TFDP2: variants seen among roughly 807,000 people sequenced by gnomAD.
TFDP2 encodes transcription factor Dp-2.
Under a neutral mutation model 59.3 loss-of-function variants are expected in TFDP2, and 17 were observed. The observed-to-expected ratio is 0.29, with a 90% CI of 0.20 to 0.43. TFDP2 has a LOEUF of 0.43. TFDP2 is among the 20% of genes least tolerant of loss of function. TFDP2 has a pLI of 1.00. For missense variants in TFDP2, 391 were observed against 528.8 expected (o/e 0.74, Z 2.56); for synonymous variants, 180 against 194.7 (o/e 0.92, Z 0.63).
At chr3:142,095,135 C>T (rs1377412225) in intron 2 of TFDP2, among the ~76,000 whole-genome samples, 1 of 151,964 alleles carries the variant, frequency 6.6e-6, no homozygotes, top group Non-Finnish European at 1.5e-5. Context: ...GGATTACAGG[C>T]GTCCACCACC....
intron 4 of TFDP2, among the ~76,000 whole-genome samples, chr3:142,002,401 C>T (rs568664857): frequency 1.4e-5 from 2 of 145,706 alleles, no homozygotes. Context: ...TCAGGAAATC[C>T]TTCTGCCTTG....
At chr3:141,986,196 C>T (rs1365389882) in intron 6 of TFDP2, among the ~76,000 whole-genome samples, 1 of 152,212 alleles carries the variant, frequency 6.6e-6, no homozygotes, top group Non-Finnish European at 1.5e-5. Context: ...GTAGTCCTGT[C>T]CCATCGTCTA....
At chr3:142,084,693 A>C (rs1479459969) in intron 3 of TFDP2, among the ~76,000 whole-genome samples, 1 of 152,170 alleles carries the variant, frequency 6.6e-6, no homozygotes, top group Non-Finnish European at 1.5e-5. Context: ...ACCAGAGGTC[A>C]TTATGTTAAG....
At chr3:142,041,385 G>C (rs1391592637) in intron 3 of TFDP2, among the ~76,000 whole-genome samples, 1 of 152,216 alleles carries the variant, frequency 6.6e-6, no homozygotes, top group East Asian at 1.9e-4. Flanking sequence ...GGACCAGGTG[G>C]GAGGTAATTG....
chr3:142,071,823 A>C (rs1216165782), intron 3 of TFDP2, among the ~76,000 whole-genome samples: 2 of 152,136 alleles, frequency 1.3e-5, no homozygotes, highest in African/African-American at 4.8e-5. Context: ...AGATTTTGGG[A>C]GGGTAAAATA....
At chr3:142,133,454 C>T (rs1386611961) in intron 1 of TFDP2, among the ~76,000 whole-genome samples, 3 of 149,868 alleles carry the variant, frequency 2.0e-5, no homozygotes, top group African/African-American at 5.1e-5. Flanking sequence ...CTCCTGCCTC[C>T]CTCAGCCCTG....
intron 1 of TFDP2, among the ~76,000 whole-genome samples, chr3:142,108,791 C>T (rs955622419): frequency 2.6e-5 from 4 of 152,084 alleles, no homozygotes; most frequent in African/African-American, 7.2e-5. Context: ...ACTCCTTTCC[C>T]ACACCTCTTT....
chr3:141,961,451 G>C (rs528967401), intron 10 of TFDP2, among the ~76,000 whole-genome samples: 1 of 151,952 alleles, frequency 6.6e-6, no homozygotes, highest in South Asian at 2.1e-4. Context: ...TACCATGTTG[G>C]TCAGGTTGGT....
intron 3 of TFDP2, among the ~76,000 whole-genome samples, chr3:142,083,482 T>A (rs2060708065): frequency 6.6e-6 from 1 of 152,146 alleles, no homozygotes; most frequent in South Asian, 2.1e-4. Flanking sequence ...ATGACATTCT[T>A]CACAGAAATA....
At chr3:142,120,441 C>A (rs966831446) in intron 1 of TFDP2, among the ~76,000 whole-genome samples, 2 of 152,188 alleles carry the variant, frequency 1.3e-5, no homozygotes, top group East Asian at 1.9e-4. Context: ...ATTATTCTAA[C>A]ATGAACAAGA....
intron 3 of TFDP2, among the ~76,000 whole-genome samples, chr3:142,086,192 C>A (rs892013326): frequency 6.6e-6 from 1 of 152,090 alleles, no homozygotes; most frequent in Non-Finnish European, 1.5e-5. Flanking sequence ...GGAAAAAAAA[C>A]CAAAGTGTTT....
intron 11 of TFDP2, among the ~76,000 whole-genome samples, chr3:141,954,398 T>C (rs1257546846): frequency 6.6e-6 from 1 of 152,058 alleles, no homozygotes; most frequent in African/African-American, 2.4e-5. Context: ...CCCAGCACTT[T>C]GGGAGGCCAA....
chr3:142,102,623 T>C (rs760803431), intron 1 of TFDP2, among the ~76,000 whole-genome samples: 22 of 152,162 alleles, frequency 1.4e-4, no homozygotes, highest in African/African-American at 5.3e-4. Context: ...CGTTGAAATA[T>C]CTCCCTACAA....
chr3:142,096,844 T>C (rs565647859), intron 2 of TFDP2, among the ~76,000 whole-genome samples: 1 of 152,322 alleles, frequency 6.6e-6, no homozygotes, highest in East Asian at 1.9e-4. Context: ...AAAATGGGAA[T>C]GATAGAACGT....
chr3:142,091,054 C>T lies in TFDP2; in HGVS notation c.82+2007G>A, dbSNP rs114044806. ...TTATTAGAGCAGAGATTCCCAGTTA[C>T]GTGTTGTGAATAAGCTATGGGTATA... On this transcript the variant is annotated intron_variant, in intron 3 of 12. Coordinates refer to ENST00000489671, the MANE Select transcript of TFDP2 (RefSeq NM_001178139.2). 6.3e-3 allele frequency among the ~76,000 whole-genome samples: 966 copies of T among 152,220 alleles called. 15 individuals carry two copies. Among genetic ancestry groups the T allele is most frequent in the African/African-American group, 0.021 (858 of 41,534 alleles).
At chr3:142,025,504 T>A (rs1252736552) in intron 3 of TFDP2, among the ~76,000 whole-genome samples, 2 of 152,194 alleles carry the variant, frequency 1.3e-5, no homozygotes. Context: ...TAATTGTAAG[T>A]GATACACATT....
chr3:142,038,383 C>CAAA lies in TFDP2; in HGVS notation c.83-32842_83-32840dup, dbSNP rs1184364752. On this transcript the variant is annotated intron_variant, in intron 3 of 12. Transcript: ENST00000489671. ...TGGGCGACAGAGCGAGACTCCATCT[C>CAAA]AAAAAAAAAAAAAAAAAAAAAAAAG... Among the ~76,000 whole-genome samples, 302 of 41,174 alleles carry CAAA rather than the reference C, an allele frequency of 7.3e-3. 12 individuals carry two copies. Among genetic ancestry groups the CAAA allele is most frequent in the African/African-American group, 0.024 (215 of 9,128 alleles). The allele number at this position is 41,174 out of a possible 152,430, so 27.0% of individuals were successfully genotyped here.
At chr3:141,994,235 G>A (rs1359030514) in intron 5 of TFDP2, 1 of 152,152 alleles carries the variant, frequency 6.6e-6, no homozygotes, top group African/African-American at 2.4e-5. Flanking sequence ...ACTTTGCCAG[G>A]ATTATTAATT....
intron 3 of TFDP2, among the ~76,000 whole-genome samples, chr3:142,056,738 C>A (rs1367070517): frequency 3.9e-5 from 6 of 152,156 alleles, no homozygotes; most frequent in African/African-American, 1.4e-4. Flanking sequence ...TGACAAGGAT[C>A]TGAAGTCAAC....
Sources: allele counts gnomAD v4.1 joint callset (sites outside exome capture counted in the v4.1 genomes callset), GRCh38; gene constraint gnomAD v4.1.1; transcripts MANE v1.5; gene names NCBI Gene and HGNC (gene_info 2026-07-23, HGNC 2026-07-21).